The following SBF2 variants were observed in gnomAD, a reference collection of about 807,000 sequenced individuals.
SBF2 encodes SET binding factor 2, also known as myotubularin-related protein 13.
A neutral mutation model predicts 225.2 loss-of-function variants in SBF2; 112 were observed. That is an observed-to-expected ratio of 0.50 (90% CI 0.43 to 0.58). SBF2 has a LOEUF of 0.58. Ranked by LOEUF, SBF2 falls within the 20% of genes least tolerant of loss-of-function variation. SBF2 has a pLI of 0.00. For missense variants in SBF2, 1,996 were observed against 2,206.2 expected (o/e 0.90, Z 1.91); for synonymous variants, 763 against 773.3 (o/e 0.99, Z 0.22).
intron 2 of SBF2, among the ~76,000 whole-genome samples, chr11:10,170,728 T>C (rs1249059182): frequency 6.6e-6 from 1 of 152,138 alleles, no homozygotes; most frequent in African/African-American, 2.4e-5. Flanking sequence ...AATCTATAGA[T>C]TGCTTTAGGT....
At chr11:9,899,582 A>G (rs933347759) in intron 16 of SBF2, among the ~76,000 whole-genome samples, 2 of 151,758 alleles carry the variant, frequency 1.3e-5, no homozygotes, top group African/African-American at 4.8e-5. Context: ...CAACTAGATG[A>G]ACGGTGAGAT....
upstream of SBF2, among the ~76,000 whole-genome samples, chr11:10,294,757 CG>C (rs761873303): frequency 3.5e-4 from 53 of 152,150 alleles, no homozygotes; most frequent in Non-Finnish European, 7.1e-4. Context: ...CCGGGTGGGC[CG>C]GGGGCGGTCG....
intron 2 of SBF2, among the ~76,000 whole-genome samples, chr11:10,077,881 C>G (rs770511417): frequency 2.6e-5 from 4 of 152,198 alleles, no homozygotes; most frequent in Non-Finnish European, 5.9e-5. Context: ...TTTCTGCAAA[C>G]TATCCATCTG....
intron 2 of SBF2, among the ~76,000 whole-genome samples, chr11:10,169,919 C>A (rs1314873016): frequency 2.0e-5 from 3 of 152,154 alleles, no homozygotes; most frequent in Admixed American, 2.0e-4. Flanking sequence ...ATCTGCATTT[C>A]TCTGATGATC....
chr11:9,904,983 C>T (rs761183378), intron 16 of SBF2, among the ~76,000 whole-genome samples: 4 of 152,202 alleles, frequency 2.6e-5, no homozygotes, highest in South Asian at 2.1e-4. Flanking sequence ...GATTGTATCA[C>T]GTGGCCTTCC....
At chr11:9,822,897 G>T (rs796280075) in intron 28 of SBF2, among the ~76,000 whole-genome samples, 5 of 152,274 alleles carry the variant, frequency 3.3e-5, no homozygotes, top group African/African-American at 1.2e-4. Context: ...TCTAGTCCCA[G>T]TTATACTAAT....
intron 17 of SBF2, among the ~76,000 whole-genome samples, chr11:9,869,905 G>A (rs1858578110): frequency 6.6e-6 from 1 of 152,168 alleles, no homozygotes; most frequent in Non-Finnish European, 1.5e-5. Context: ...AAGAGAGGAA[G>A]TCAAATTATC....
intron 2 of SBF2, among the ~76,000 whole-genome samples, chr11:10,082,598 TG>T (rs1951409917): frequency 6.6e-6 from 1 of 152,132 alleles, no homozygotes; most frequent in African/African-American, 2.4e-5. Context: ...AATCAATAAA[TG>T]TGATTCACTA....
In SBF2 at chr11:9,917,578, C is replaced by T. The variant is rs1337421235; in HGVS notation, c.1861-21567G>A. Among the ~76,000 whole-genome samples, 3 of 151,702 alleles carry T rather than the reference C, an allele frequency of 2.0e-5. 1 individual carries two copies. The highest frequency in any genetic ancestry group is 1.9e-4 in the East Asian group (1 of 5,186). On this transcript the variant is annotated intron_variant, in intron 16 of 39. Coordinates refer to ENST00000256190, the MANE Select transcript of SBF2 (RefSeq NM_030962.4). ...AACTCCTGAGCTCAAGTGATCCACCCGCCTCGGCCTCCCAAAGTGCTGGGA... is the reference window on the plus strand; with the variant it reads ...AACTCCTGAGCTCAAGTGATCCACCTGCCTCGGCCTCCCAAAGTGCTGGGA...
At chr11:10,060,052 T>G (rs1950375102) in intron 2 of SBF2, among the ~76,000 whole-genome samples, 1 of 151,848 alleles carries the variant, frequency 6.6e-6, no homozygotes. Context: ...TGAAGGACAC[T>G]GAGACACAAA....
chr11:9,963,970 G>T, intron 14 of SBF2, 88 bp from the exon 15 acceptor site: 1 of 791,566 alleles, frequency 1.3e-6, no homozygotes, highest in Non-Finnish European at 2.1e-6. Context: ...AAGACTGTAG[G>T]TTGGGCGTGG....
At chr11:9,915,371 C>T (rs181617899) in intron 16 of SBF2, among the ~76,000 whole-genome samples, 9 of 150,470 alleles carry the variant, frequency 6.0e-5, no homozygotes, top group Admixed American at 1.3e-4. Context: ...TGCTTGAACC[C>T]GGGAAGTGGA....
At chr11:10,160,134 G>T (rs1955669193) in intron 2 of SBF2, among the ~76,000 whole-genome samples, 1 of 152,076 alleles carries the variant, frequency 6.6e-6, no homozygotes, top group Non-Finnish European at 1.5e-5. Context: ...TATCTTTGCA[G>T]ATGACATAAT....
chr11:10,202,970 A>G (rs928790880), intron 1 of SBF2, among the ~76,000 whole-genome samples: 1 of 151,724 alleles, frequency 6.6e-6, no homozygotes, highest in Non-Finnish European at 1.5e-5. Flanking sequence ...GAAAGAAAAC[A>G]AATTATGTGA....
At chr11:10,254,267 G>A (rs1437551951) in intron 1 of SBF2, among the ~76,000 whole-genome samples, 2 of 151,912 alleles carry the variant, frequency 1.3e-5, no homozygotes, top group African/African-American at 4.8e-5. Context: ...GGTGCTGTGT[G>A]ACTGTGGTCC....
At position 10,042,840 on chromosome 11, in the gene SBF2, G is replaced by T. The variant is rs757128114; in HGVS notation, c.279+4C>A. On this transcript the variant is annotated splice_donor_region_variant and intron_variant, in intron 3 of 39. Coordinates refer to ENST00000256190, the MANE Select transcript of SBF2 (RefSeq NM_030962.4). ...TGTACTTTAGCTAGTAAAGGTTTTT[G>T]TACCTGAAGATTGATCTCTGCCTCA... The T allele has an allele frequency of 1.9e-6, 3 of 1,613,718 alleles. No homozygotes were observed. The highest frequency in any genetic ancestry group is 2.5e-6 in the Non-Finnish European group (3 of 1,179,736).
At chr11:10,273,374 CTAAG>C (rs1219877506) in intron 1 of SBF2, among the ~76,000 whole-genome samples, 3 of 151,754 alleles carry the variant, frequency 2.0e-5, no homozygotes, top group Non-Finnish European at 2.9e-5. Flanking sequence ...TTCATGCTTA[CTAAG>C]TAATAAAAAT....
chr11:10,146,144 T>C lies in SBF2; in HGVS notation c.141+47758A>G, dbSNP rs546534031. 7.9e-5 allele frequency among the ~76,000 whole-genome samples: 12 copies of C among 152,270 alleles called. 1 individual carries two copies. Among genetic ancestry groups the C allele is most frequent in the Admixed American group, 2.6e-4 (4 of 15,284 alleles). ...TATCAATATTGTTAAAATGGCCATATTGCCCAAAGAAATTTATAGATTTAA... is the reference window on the plus strand; with the variant it reads ...TATCAATATTGTTAAAATGGCCATACTGCCCAAAGAAATTTATAGATTTAA... On this transcript the variant is annotated intron_variant, in intron 2 of 39. Coordinates refer to ENST00000256190, the MANE Select transcript of SBF2 (RefSeq NM_030962.4).
intron 14 of SBF2, among the ~76,000 whole-genome samples, chr11:9,965,030 C>G (rs558560365): frequency 6.6e-6 from 1 of 152,222 alleles, no homozygotes; most frequent in East Asian, 1.9e-4. Context: ...TCCCACCCTC[C>G]CAGCCTTCTG....
Sources: gnomAD v4.1 joint callset for allele counts (sites outside exome capture counted in the v4.1 genomes callset) on GRCh38, gnomAD v4.1.1 for gene constraint, MANE v1.5 for transcripts, NCBI Gene and HGNC (gene_info 2026-07-23, HGNC 2026-07-21) for gene names.